Variants in GARNL3 observed in about 807,000 individuals in gnomAD.
GARNL3 encodes the protein GTPase-activating Rap/Ran-GAP domain-like protein 3.
A neutral mutation model predicts 125.0 loss-of-function variants in GARNL3; 63 were observed. That is an observed-to-expected ratio of 0.50 (90% CI 0.41 to 0.62). The LOEUF is 0.62. Ranked by LOEUF, GARNL3 falls within the 20% of genes least tolerant of loss-of-function variation. GARNL3 has a pLI of 0.00. For missense variants in GARNL3, 994 were observed against 1,244.0 expected, an observed-to-expected ratio of 0.80 and a Z score of 3.02; for synonymous variants, 439 against 457.5, an observed-to-expected ratio of 0.96 and a Z score of 0.52.
intron 22 of GARNL3, among the ~76,000 whole-genome samples, chr9:127,382,543 G>A (rs1399962544): frequency 1.3e-5 from 2 of 152,014 alleles, no homozygotes; most frequent in Non-Finnish European, 1.5e-5. Context: ...GCCTGGGATG[G>A]GGAGGCTGCA....
intron 1 of GARNL3, among the ~76,000 whole-genome samples, chr9:127,269,475 C>T (rs2063770924): frequency 6.6e-6 from 1 of 152,156 alleles, no homozygotes; most frequent in South Asian, 2.1e-4. Context: ...CTGTTTTTAG[C>T]TTTTTGAGAA....
chr9:127,331,771 T>C (rs1169222410), intron 7 of GARNL3, among the ~76,000 whole-genome samples: 1 of 149,614 alleles, frequency 6.7e-6, no homozygotes, highest in Non-Finnish European at 1.5e-5. Context: ...ATTGAATATC[T>C]TTAGGAATTG....
In GARNL3 at chr9:127,225,367, C is replaced by G; in HGVS notation, c.-29+1029C>G. On this transcript the variant is annotated intron_variant, in intron 1 of 10. Coordinates refer to the GARNL3 transcript ENST00000439286. Reference sequence around the variant, plus strand: ...GCGCTCCTGCGGCAGAAGAGGGCGGCGCTGCGGCGCAGGGGGTGCAGCTTC... The same window carrying G: ...GCGCTCCTGCGGCAGAAGAGGGCGGGGCTGCGGCGCAGGGGGTGCAGCTTC... 3 of 984,192 alleles carry G rather than the reference C, an allele frequency of 3.0e-6. No individual in the cohort carries two copies. In the South Asian group the frequency reaches 1.4e-4, roughly 46 times the overall value. The allele number at this position is 984,192 out of a possible 1,614,324, so 61.0% of individuals were successfully genotyped here.
At chr9:127,343,125 C>T (rs537959459) in intron 14 of GARNL3, among the ~76,000 whole-genome samples, 75 of 152,030 alleles carry the variant, frequency 4.9e-4, no homozygotes, top group African/African-American at 1.8e-3. Flanking sequence ...TCTCAAACTC[C>T]CAACTTCAGG....
At chr9:127,261,668 C>G (rs1053487961), upstream of GARNL3, among the ~76,000 whole-genome samples, 6 of 152,128 alleles carry the variant, frequency 3.9e-5, no homozygotes, top group Admixed American at 1.3e-4. Context: ...CCCCTTCGGC[C>G]TCCCAAAGTG....
Position 127,280,078 on chromosome 9 carries a change from G to A in GARNL3, c.145-11090G>A, listed in dbSNP as rs755694275. Among the ~76,000 whole-genome samples the A allele has an allele frequency of 2.6e-4, 40 of 152,178 alleles. No homozygotes were observed. The highest frequency in any genetic ancestry group is 3.5e-4 in the Non-Finnish European group (24 of 68,034). On this transcript the variant is annotated intron_variant, in intron 1 of 27. Transcript: ENST00000373387. The surrounding 1 kb of genome is among the most constrained non-coding windows in gnomAD (Gnocchi z 4.5). ...CTTAGGAACTACCAGTAGCAGTCTG[G>A]TTGAAAGAGGCGTATTGAAGTAATG... is the stretch of plus-strand genomic sequence containing the variant.
rs1371734733 is a variant in GARNL3, at chr9:127,280,425, A to AGT, written c.145-10740_145-10739dup. Among the ~76,000 whole-genome samples, 1 of 152,164 alleles carries AGT rather than the reference A, an allele frequency of 6.6e-6. No homozygotes were observed. The highest frequency in any genetic ancestry group is 1.5e-5 in the Non-Finnish European group (1 of 68,036). On this transcript the variant is annotated intron_variant, in intron 1 of 27. Coordinates refer to ENST00000373387, the MANE Select transcript of GARNL3 (RefSeq NM_032293.5). The surrounding 1 kb of genome is among the most constrained non-coding windows in gnomAD (Gnocchi z 4.5). ...TCCATGCAGTAAAAAGATGATTCCT[A>AGT]GTGTTTTATTCTTACTCTTCTGAAA...
rs771225212 is a variant in GARNL3 at position 127,339,625 on chromosome 9, C to G, written c.1029-20C>G. Reference sequence around the variant, plus strand: ...ACCATATCAAGTGCTAATATTAATTCTGCAATATTCTCTACTTAGGCTGAA... The same window carrying G: ...ACCATATCAAGTGCTAATATTAATTGTGCAATATTCTCTACTTAGGCTGAA... On this transcript the variant is annotated intron_variant, in intron 12 of 27. Coordinates refer to ENST00000373387, the MANE Select transcript of GARNL3 (RefSeq NM_032293.5). 2 of 1,537,730 alleles carry G rather than the reference C, an allele frequency of 1.3e-6. No homozygotes were observed. Among genetic ancestry groups the G allele is most frequent in the Non-Finnish European group, 1.8e-6 (2 of 1,110,250 alleles).
chr9:127,323,635 A>G (rs62578843), intron 6 of GARNL3, among the ~76,000 whole-genome samples: 21,246 of 152,198 alleles, frequency 0.14, 1,888 homozygotes, highest in East Asian at 0.21. Flanking sequence ...AGGAAGGAGC[A>G]CTGGCGTGGG....
chr9:127,393,455 C>A lies in GARNL3; in HGVS notation c.*201C>A. The A allele has an allele frequency of 2.5e-6, 1 of 404,194 alleles. No individual in the cohort carries two copies. The highest frequency in any genetic ancestry group is 4.4e-6 in the Non-Finnish European group (1 of 224,962). The allele number at this position is 404,194 out of a possible 1,614,324, so 25.0% of individuals were successfully genotyped here. A position where few individuals can be genotyped will look rare whatever the true frequency, so the allele number is the denominator to read the frequency against. On this transcript the variant is annotated 3_prime_UTR_variant, in exon 28 of 28. Transcript: ENST00000373387. The stretch of plus-strand genomic sequence containing the variant: ...ACCTTTGTTTCTTTCTGTTCAGGAA[C>A]CATCAGTCCCCTTGTAATAAAGGTG...
At chr9:127,388,182 G>A (rs1489290060) in intron 25 of GARNL3, among the ~76,000 whole-genome samples, 1 of 151,396 alleles carries the variant, frequency 6.6e-6, no homozygotes. Context: ...TGGCTGTGGT[G>A]GCATGCACCT....
intron 2 of GARNL3, among the ~76,000 whole-genome samples, chr9:127,297,331 G>C (rs1464740529): frequency 3.3e-5 from 5 of 152,082 alleles, no homozygotes; most frequent in African/African-American, 7.2e-5. Flanking sequence ...TAGAGATGGG[G>C]TTTTGCCATG....
At chr9:127,311,564 G>A (rs554816256) in intron 2 of GARNL3, 72 bp from the exon 3 acceptor site, 6 of 1,018,738 alleles carry the variant, frequency 5.9e-6, no homozygotes, top group South Asian at 3.9e-5. Flanking sequence ...TTCTTTGGCC[G>A]CTGGTTCATT....
rs1564209235 is a variant in GARNL3, at chr9:127,393,250, A to C, written c.3038A>C (p.Lys1013Thr). 1 of 1,601,802 alleles carries C rather than the reference A, an allele frequency of 6.2e-7. No homozygotes were observed. Among genetic ancestry groups the C allele is most frequent in the East Asian group, 2.2e-5 (1 of 44,478 alleles). Reference protein sequence around the residue: ...AFSDEDIIDLK With the variant: ...AFSDEDIIDLT ...TCCGATGAAGACATTATAGACTTGA[A>C]GTAACAGAGTTGAATCTCATTTGCC... Residue 1013 changes from lysine to threonine, a missense_variant, in exon 28 of 28, where the codon AAG becomes ACG. Lys to Thr is a moderately conservative substitution (Grantham distance 78). Around this residue, in one of 5 missense-constraint regions of GARNL3, gnomAD observed 728 missense variants for 865.7 expected, o/e 0.84. Transcript: ENST00000373387.
Position 127,320,711 on chromosome 9 carries a change from T to A in GARNL3, c.504-4T>A. On this transcript the variant is annotated splice_polypyrimidine_tract_variant and splice_region_variant and intron_variant, in intron 5 of 27. Transcript: ENST00000373387. The stretch of plus-strand genomic sequence containing the variant: ...TGCAGCTCATCCTGTCCATTCTATT[T>A]CAGTGCCATGAATCTGGACAAATTT... 4 of 1,609,294 alleles carry A rather than the reference T, an allele frequency of 2.5e-6. No homozygotes were observed. The highest frequency in any genetic ancestry group is 3.4e-6 in the Non-Finnish European group (4 of 1,175,724).
At chr9:127,383,683 GTTCTTT>G (rs750541197) in intron 23 of GARNL3, 138 bp downstream of exon 23, 77 of 546,278 alleles carry the variant, frequency 1.4e-4, no homozygotes, top group East Asian at 2.2e-4. Flanking sequence ...TATTCACAGC[GTTCTTT>G]TTCTTTTTCT....
At chr9:127,376,652 C>T in intron 22 of GARNL3, among the ~76,000 whole-genome samples, 1 of 151,662 alleles carries the variant, frequency 6.6e-6, no homozygotes, top group Non-Finnish European at 1.5e-5. Flanking sequence ...GCCAGAAAAA[C>T]AGTACATCTT....
upstream of GARNL3, among the ~76,000 whole-genome samples, chr9:127,261,617 T>A (rs1256751481): frequency 1.3e-5 from 2 of 151,990 alleles, no homozygotes; most frequent in East Asian, 3.9e-4. Flanking sequence ...TTCTCCATGT[T>A]GGTCATGCTG....
intron 1 of GARNL3, among the ~76,000 whole-genome samples, chr9:127,237,308 T>C (rs1332461253): frequency 6.6e-6 from 1 of 152,252 alleles, no homozygotes. Flanking sequence ...AAGAAGCTGC[T>C]GACTCTAGAA....
Sources: gnomAD v4.1 joint callset for allele counts (sites outside exome capture counted in the v4.1 genomes callset) on GRCh38, gnomAD v4.1.1 for gene constraint, gnomAD v4.1.1 regional missense constraint, Gnocchi (gnomAD v3.1) non-coding constraint, MANE v1.5 for transcripts, NCBI Gene and HGNC (gene_info 2026-07-23, HGNC 2026-07-21) for gene names.